PRKCB: variants seen among roughly 807,000 people sequenced by gnomAD.
The protein encoded by PRKCB is protein kinase C beta type.
PRKCB carries 13 observed loss-of-function variants against 81.5 expected under a neutral mutation model. That is an observed-to-expected ratio of 0.16 (90% CI 0.10 to 0.25). The LOEUF is 0.25. Among genes scored for constraint, PRKCB ranks in the 10% least tolerant of loss-of-function variants. The pLI is 1.00. For missense variants in PRKCB, 509 were observed against 875.7 expected (o/e 0.58, Z 5.29); for synonymous variants, 335 against 321.4 (o/e 1.04, Z -0.45).
intron 2 of PRKCB, among the ~76,000 whole-genome samples, chr16:23,882,366 A>G (rs1355111409): frequency 4.0e-5 from 6 of 151,894 alleles, no homozygotes; most frequent in Non-Finnish European, 5.9e-5. Flanking sequence ...TTACAGGTGC[A>G]CACTACCATG....
chr16:23,998,261 T>C (rs138714639), intron 3 of PRKCB, among the ~76,000 whole-genome samples: 175 of 152,332 alleles, frequency 1.1e-3, no homozygotes, highest in African/African-American at 3.0e-3. Context: ...ATTTCAAACA[T>C]TGGACTAAAC....
intron 2 of PRKCB, among the ~76,000 whole-genome samples, chr16:23,900,264 C>T (rs988052346): frequency 6.6e-6 from 1 of 151,932 alleles, no homozygotes; most frequent in African/African-American, 2.4e-5. Context: ...TCCATAAAGC[C>T]GAGAGATATC....
intron 5 of PRKCB, among the ~76,000 whole-genome samples, chr16:24,085,084 C>T (rs188249292): frequency 4.0e-5 from 6 of 149,300 alleles, no homozygotes; most frequent in Admixed American, 2.7e-4. Context: ...GAAGTAAAAC[C>T]GTAGCAATGC....
chr16:24,035,522 C>T lies in PRKCB; in HGVS notation c.504C>T (p.Ile168=), dbSNP rs941886763. 13 of 1,613,934 alleles carry T rather than the reference C, an allele frequency of 8.1e-6. No individual in the cohort carries two copies. The highest frequency in any genetic ancestry group is 4.4e-5 in the South Asian group (4 of 91,084). ...RRGRIYIQAH[I]DRDVLIVLVR... ...GCCGCATCTACATCCAGGCCCACATCGACAGGGACGTCCTCATTGTCCTCG... is the reference window on the plus strand; with the variant it reads ...GCCGCATCTACATCCAGGCCCACATTGACAGGGACGTCCTCATTGTCCTCG... Residue 168 remains isoleucine, a synonymous_variant, in exon 5 of 17, where the codon ATC becomes ATT. Coordinates refer to ENST00000643927, the MANE Select transcript of PRKCB (RefSeq NM_002738.7).
At chr16:24,179,361 A>T (rs1027079624) in intron 12 of PRKCB, among the ~76,000 whole-genome samples, 1 of 152,202 alleles carries the variant, frequency 6.6e-6, no homozygotes, top group Non-Finnish European at 1.5e-5. Context: ...ATCACAAAAC[A>T]CTAGAATAGA....
chr16:23,967,645 T>C (rs1218823913), intron 2 of PRKCB, among the ~76,000 whole-genome samples: 2 of 152,190 alleles, frequency 1.3e-5, no homozygotes, highest in East Asian at 1.9e-4. Flanking sequence ...TTCTTTCCTC[T>C]TTTTTGTTTT....
intron 2 of PRKCB, among the ~76,000 whole-genome samples, chr16:23,939,190 G>T (rs1964105519): frequency 6.6e-6 from 1 of 152,076 alleles, no homozygotes; most frequent in Non-Finnish European, 1.5e-5. Flanking sequence ...ACATTTGCAG[G>T]ACTTATGTAC....
chr16:23,893,178 G>A (rs921849410), intron 2 of PRKCB: 1 of 152,192 alleles, frequency 6.6e-6, no homozygotes, highest in African/African-American at 2.4e-5. Context: ...TAAATAAAGG[G>A]AGAAGTAAGA....
chr16:24,165,629 A>G (rs1247831978), intron 10 of PRKCB, among the ~76,000 whole-genome samples: 2 of 152,188 alleles, frequency 1.3e-5, no homozygotes, highest in African/African-American at 4.8e-5. Context: ...TTTATTTTTA[A>G]AATAAGTCAT....
chr16:24,024,867 C>T (rs1272135903), intron 3 of PRKCB, among the ~76,000 whole-genome samples: 2 of 152,074 alleles, frequency 1.3e-5, no homozygotes, highest in African/African-American at 2.4e-5. Context: ...CCTTGAGGGT[C>T]GTGGAGGGAG....
rs1964624406 is a variant in PRKCB at position 23,976,301 on chromosome 16, A to G, written c.206-12207A>G. Among the ~76,000 whole-genome samples, 2 of 152,154 alleles carry G rather than the reference A, an allele frequency of 1.3e-5. 1 individual carries two copies. Among genetic ancestry groups the G allele is most frequent in the Admixed American group, 1.3e-4 (2 of 15,270 alleles). On this transcript the variant is annotated intron_variant, in intron 2 of 16. Transcript: ENST00000643927. ...TGACAGAGTGAGATTCTGTCTCAAA[A>G]AAACCCACAAAAACCGCCCCCCCAA...
intron 2 of PRKCB, among the ~76,000 whole-genome samples, chr16:23,903,506 G>C (rs769551469): frequency 3.3e-5 from 5 of 152,020 alleles, no homozygotes; most frequent in Non-Finnish European, 7.3e-5. Flanking sequence ...TGATTAATTA[G>C]CAAGCACATG....
chr16:24,108,950 T>C (rs1406068032), intron 7 of PRKCB, among the ~76,000 whole-genome samples: 1 of 129,050 alleles, frequency 7.7e-6, no homozygotes, highest in African/African-American at 3.3e-5. Context: ...CGCCCCTCAC[T>C]TCCCGGATGG....
intron 2 of PRKCB, among the ~76,000 whole-genome samples, chr16:23,879,286 A>G (rs1214035837): frequency 6.6e-6 from 1 of 152,040 alleles, no homozygotes; most frequent in Non-Finnish European, 1.5e-5. Flanking sequence ...AGAGCTGGGC[A>G]CTGAAGCAGT....
intron 2 of PRKCB, among the ~76,000 whole-genome samples, chr16:23,851,161 C>T (rs913630439): frequency 1.3e-5 from 2 of 152,244 alleles, no homozygotes; most frequent in South Asian, 2.1e-4. Context: ...AATCATTGCC[C>T]AAACCAATGT....
chr16:24,092,080 TCA>T (rs1037893723), intron 5 of PRKCB, among the ~76,000 whole-genome samples: 2 of 152,236 alleles, frequency 1.3e-5, no homozygotes, highest in Admixed American at 1.3e-4. Context: ...TATAGAATAT[TCA>T]CAGTGTTGGA....
intron 5 of PRKCB, among the ~76,000 whole-genome samples, chr16:24,080,100 C>T (rs1966230342): frequency 6.6e-6 from 1 of 152,046 alleles, no homozygotes; most frequent in African/African-American, 2.4e-5. Context: ...TTTGAAAGAT[C>T]ACTTTGGTGG....
At chr16:24,148,061 T>C (rs1414041038) in intron 9 of PRKCB, among the ~76,000 whole-genome samples, 1 of 151,912 alleles carries the variant, frequency 6.6e-6, no homozygotes. Flanking sequence ...GAGATGGGAG[T>C]CAGCATCTGC....
intron 2 of PRKCB, among the ~76,000 whole-genome samples, chr16:23,934,860 T>A (rs1489054375): frequency 6.6e-6 from 1 of 152,170 alleles, no homozygotes; most frequent in South Asian, 2.1e-4. Flanking sequence ...GGTAGGAGTG[T>A]GATCCACATT....
Sources: gnomAD v4.1 joint callset for allele counts (sites outside exome capture counted in the v4.1 genomes callset) on GRCh38, gnomAD v4.1.1 for gene constraint, MANE v1.5 for transcripts, NCBI Gene and HGNC (gene_info 2026-07-23, HGNC 2026-07-21) for gene names.